Variants in COG5 observed in about 807,000 individuals in gnomAD.
The protein encoded by COG5 is component of oligomeric golgi complex 5.
Under a neutral mutation model 110.4 loss-of-function variants are expected in COG5, and 86 were observed. That is an observed-to-expected ratio of 0.78 (90% CI 0.65 to 0.93). The LOEUF is 0.93. COG5 is among the 40% of genes least tolerant of loss of function. COG5 has a pLI of 0.00. For synonymous variants in COG5, 360 were observed against 334.6 expected, an observed-to-expected ratio of 1.08 and a Z score of -0.83; for missense variants, 1,077 against 987.0, an observed-to-expected ratio of 1.09 and a Z score of -1.22.
chr7:107,342,705 C>A (rs138326172), intron 10 of COG5, among the ~76,000 whole-genome samples: 8 of 151,496 alleles, frequency 5.3e-5, no homozygotes, highest in Admixed American at 1.3e-4. Flanking sequence ...CAAAAAAAAA[C>A]CCAAAAAACC....
At chr7:107,340,245 T>A (rs554556486) in intron 10 of COG5, among the ~76,000 whole-genome samples, 1 of 152,110 alleles carries the variant, frequency 6.6e-6, no homozygotes, top group East Asian at 1.9e-4. Context: ...ATTAGGAACA[T>A]CTCTATGCGT....
intron 6 of COG5, among the ~76,000 whole-genome samples, chr7:107,523,222 C>T (rs1297284993): frequency 6.6e-6 from 1 of 152,122 alleles, no homozygotes; most frequent in African/African-American, 2.4e-5. Flanking sequence ...ACAGGTTTTA[C>T]ACATCTTTTG....
chr7:107,500,625 A>C (rs557335504), intron 6 of COG5, among the ~76,000 whole-genome samples: 1 of 152,312 alleles, frequency 6.6e-6, no homozygotes, highest in East Asian at 1.9e-4. Flanking sequence ...TTTTAATATA[A>C]TTAATAAGGA....
At chr7:107,203,713 T>C (rs956288651) in intron 21 of COG5, 83 bp from the exon 22 acceptor site, 2 of 883,622 alleles carry the variant, frequency 2.3e-6, no homozygotes, top group South Asian at 1.4e-5. Flanking sequence ...ATAAAAATTA[T>C]TAGTAAGCTC....
At chr7:107,370,662 T>C (rs1166311982) in intron 8 of COG5, among the ~76,000 whole-genome samples, 1 of 151,696 alleles carries the variant, frequency 6.6e-6, no homozygotes, top group East Asian at 1.9e-4. Context: ...GGTGGGCTTC[T>C]GTAATCCCAG....
chr7:107,480,284 G>A lies in COG5; in HGVS notation c.538+46953C>T, dbSNP rs537614199. On this transcript the variant is annotated intron_variant, in intron 6 of 21. Transcript: ENST00000297135. ...AGCAATGGGAAAACCATAAAATAAT[G>A]TATTTCTTTTATCCTTTTCACTAAA... Among the ~76,000 whole-genome samples, 386 of 152,152 alleles carry A rather than the reference G, an allele frequency of 2.5e-3. 1 individual carries two copies. Among genetic ancestry groups the A allele is most frequent in the Non-Finnish European group, 4.5e-3 (306 of 67,990 alleles).
intron 12 of COG5, among the ~76,000 whole-genome samples, chr7:107,293,625 A>G (rs951653695): frequency 6.6e-6 from 1 of 152,036 alleles, no homozygotes; most frequent in Admixed American, 6.6e-5. Flanking sequence ...TTGTCCTCCT[A>G]TCTCACCACT....
At chr7:107,421,469 T>C (rs1432059817) in intron 6 of COG5, among the ~76,000 whole-genome samples, 1 of 152,138 alleles carries the variant, frequency 6.6e-6, no homozygotes, top group Non-Finnish European at 1.5e-5. Context: ...ACAAACCTTA[T>C]AAATGTAAAA....
At chr7:107,514,051 TAATAA>T (rs142318189) in intron 6 of COG5, among the ~76,000 whole-genome samples, 18,890 of 151,506 alleles carry the variant, frequency 0.12, 1,460 homozygotes, top group Non-Finnish European at 0.17. Context: ...AGTATAATAA[TAATAA>T]AATAAAATAA....
chr7:107,305,084 T>C (rs1367889491), intron 11 of COG5, among the ~76,000 whole-genome samples: 1 of 152,222 alleles, frequency 6.6e-6, no homozygotes. Flanking sequence ...TGTGCTATTT[T>C]ATGTACTTAC....
intron 6 of COG5, among the ~76,000 whole-genome samples, chr7:107,482,126 T>C (rs892159030): frequency 4.1e-5 from 6 of 144,778 alleles, no homozygotes; most frequent in Non-Finnish European, 4.6e-5. Flanking sequence ...GAGGTTGCAG[T>C]CCTGAAAAAA....
intron 19 of COG5, among the ~76,000 whole-genome samples, chr7:107,217,021 GA>G (rs1241870397): frequency 2.0e-5 from 3 of 151,888 alleles, no homozygotes; most frequent in Non-Finnish European, 4.4e-5. Context: ...AATCAAATTG[GA>G]AATGAAAGAG....
At chr7:107,508,465 C>A (rs1418278435) in intron 6 of COG5, among the ~76,000 whole-genome samples, 1 of 152,224 alleles carries the variant, frequency 6.6e-6, no homozygotes, top group South Asian at 2.1e-4. Context: ...AGGGCACAGA[C>A]AAACAAAAAG....
At chr7:107,316,712 G>A (rs1320940611) in intron 11 of COG5, among the ~76,000 whole-genome samples, 9 of 148,320 alleles carry the variant, frequency 6.1e-5, no homozygotes, top group Admixed American at 6.7e-5. Context: ...GGCGGCTATA[G>A]TCCCAGCTAC....
At chr7:107,346,958 T>G (rs966913819) in intron 10 of COG5, among the ~76,000 whole-genome samples, 4 of 152,198 alleles carry the variant, frequency 2.6e-5, no homozygotes, top group African/African-American at 9.7e-5. Flanking sequence ...TCAGCAAGTT[T>G]CTAACTTTAA....
chr7:107,547,943 T>C, intron 5 of COG5, 168 bp downstream of exon 5: 2 of 632,948 alleles, frequency 3.2e-6, no homozygotes, highest in South Asian at 2.0e-5. Context: ...GCTTTAGATT[T>C]GTATTTTTTG....
At position 107,415,935 on chromosome 7, in the gene COG5, TAC is replaced by T. The variant is rs1792777358; in HGVS notation, c.539-3305_539-3304del. 3.2e-5 allele frequency among the ~76,000 whole-genome samples: 4 copies of T among 126,770 alleles called. 1 individual carries two copies. The South Asian group carries it at 9.9e-4, about 31-fold the overall frequency. The allele number at this position is 126,770 out of a possible 152,430, so 83.2% of individuals were successfully genotyped here. A position where few individuals can be genotyped will look rare whatever the true frequency, so the allele number is the denominator to read the frequency against. ...GTATGTGTGTGTATATACACACACA[TAC>T]ACGTATGTATGTATGTGTGTGTATA... is the stretch of plus-strand genomic sequence containing the variant. On this transcript the variant is annotated intron_variant, in intron 6 of 21. Coordinates refer to ENST00000297135, the MANE Select transcript of COG5 (RefSeq NM_006348.5).
intron 9 of COG5, 50 bp downstream of exon 9, chr7:107,362,258 A>C (rs774341114): frequency 6.8e-7 from 1 of 1,480,536 alleles, no homozygotes; most frequent in East Asian, 2.3e-5. Flanking sequence ...ATTTGGAATA[A>C]CCAGGAGTTA....
At chr7:107,558,148 A>G (rs748265162) in intron 1 of COG5, 33 bp from the exon 2 acceptor site, 1 of 1,606,922 alleles carries the variant, frequency 6.2e-7, no homozygotes, top group South Asian at 1.1e-5. Flanking sequence ...AAAAGTCCTT[A>G]ATTACCCTGT....
Sources: allele counts gnomAD v4.1 joint callset (sites outside exome capture counted in the v4.1 genomes callset), GRCh38; gene constraint gnomAD v4.1.1; transcripts MANE v1.5; gene names NCBI Gene and HGNC (gene_info 2026-07-23, HGNC 2026-07-21).